HDAC9: variants seen among roughly 807,000 people sequenced by gnomAD.
HDAC9 encodes MEF-2 interacting transcription repressor (MITR) protein.
A neutral mutation model predicts 139.4 loss-of-function variants in HDAC9; 41 were observed. The ratio of observed to expected loss-of-function variants is 0.29; its 90% CI spans 0.23 to 0.38. The LOEUF is 0.38. Among genes scored for constraint, HDAC9 ranks in the 10% least tolerant of loss-of-function variants. The pLI is 1.00. For synonymous variants in HDAC9, 517 were observed against 476.2 expected, an observed-to-expected ratio of 1.09 and a Z score of -1.12; for missense variants, 1,147 against 1,297.0, an observed-to-expected ratio of 0.88 and a Z score of 1.78.
intron 6 of HDAC9, among the ~76,000 whole-genome samples, chr7:18,610,583 C>G (rs1836853260): frequency 6.6e-6 from 1 of 152,168 alleles, no homozygotes; most frequent in African/African-American, 2.4e-5. Flanking sequence ...ATAACCTGGA[C>G]TAAGAGCAAA....
Position 18,999,851 on chromosome 7 carries a change from A to T in HDAC9, c.*3789A>T, listed in dbSNP as rs1343590596. 1 of 152,190 alleles carries T rather than the reference A, an allele frequency of 6.6e-6. No individual in the cohort carries two copies. The highest frequency in any genetic ancestry group is 2.1e-4 in the South Asian group (1 of 4,830). 9.4% of individuals were successfully genotyped at this position (152,190 alleles called of 1,614,324 possible). A position where few individuals can be genotyped will look rare whatever the true frequency, so the allele number is the denominator to read the frequency against. ...TCTTATCTCAATGAAAGAAGTATTA[A>T]AAGTCTTATGGCCCCAAAAGAAACA... On this transcript the variant is annotated 3_prime_UTR_variant, in exon 26 of 26. Transcript: ENST00000686413.
intron 2 of HDAC9, among the ~76,000 whole-genome samples, chr7:18,188,160 A>G (rs1239087366): frequency 6.6e-6 from 1 of 152,164 alleles, no homozygotes; most frequent in Non-Finnish European, 1.5e-5. Context: ...CATATAGACC[A>G]ATGGAGCAGA....
chr7:18,299,844 G>T (rs982118478), intron 1 of HDAC9, among the ~76,000 whole-genome samples: 8 of 152,180 alleles, frequency 5.3e-5, no homozygotes, highest in African/African-American at 1.9e-4. Flanking sequence ...CTTCATCTTA[G>T]CAAGCAAGCA....
At chr7:18,235,984 T>G (rs1354253515) in intron 2 of HDAC9, among the ~76,000 whole-genome samples, 1 of 152,224 alleles carries the variant, frequency 6.6e-6, no homozygotes, top group Non-Finnish European at 1.5e-5. Flanking sequence ...TGCACATTTC[T>G]TTGCATTATA....
At chr7:18,484,993 T>G (rs1254748747) in intron 1 of HDAC9, among the ~76,000 whole-genome samples, 6 of 152,098 alleles carry the variant, frequency 3.9e-5, no homozygotes, top group Non-Finnish European at 8.8e-5. Flanking sequence ...ATAGCCAAAA[T>G]AAGACAACAG....
intron 25 of HDAC9, among the ~76,000 whole-genome samples, chr7:18,988,425 A>G (rs1476008543): frequency 6.6e-6 from 1 of 151,488 alleles, no homozygotes; most frequent in Non-Finnish European, 1.5e-5. Flanking sequence ...GTGGTCTGAG[A>G]GATAGTTTGT....
intron 22 of HDAC9, among the ~76,000 whole-genome samples, chr7:18,877,249 T>A (rs1241735343): frequency 3.3e-5 from 5 of 152,124 alleles, no homozygotes; most frequent in African/African-American, 9.7e-5. Flanking sequence ...CAATAGTTGT[T>A]CCCTAAAACA....
intron 2 of HDAC9, among the ~76,000 whole-genome samples, chr7:18,510,369 C>CT (rs1297008580): frequency 6.6e-6 from 1 of 152,062 alleles, no homozygotes; most frequent in Non-Finnish European, 1.5e-5. Context: ...TAAATGCATA[C>CT]TTTTTTTAAT....
intron 1 of HDAC9, among the ~76,000 whole-genome samples, chr7:18,413,911 G>C (rs1788807285): frequency 6.6e-6 from 1 of 152,012 alleles, no homozygotes; most frequent in Non-Finnish European, 1.5e-5. Flanking sequence ...TTTAATATTT[G>C]GGACTTTTCC....
chr7:18,675,647 C>T (rs1781455453), intron 12 of HDAC9, among the ~76,000 whole-genome samples: 1 of 151,934 alleles, frequency 6.6e-6, no homozygotes, highest in South Asian at 2.1e-4. Context: ...AATTATAGTA[C>T]AGTACTTCCC....
At chr7:18,504,699 A>G (rs1479149213) in intron 2 of HDAC9, among the ~76,000 whole-genome samples, 1 of 152,216 alleles carries the variant, frequency 6.6e-6, no homozygotes, top group African/African-American at 2.4e-5. Context: ...TAATGTTTCA[A>G]AAGTTTCTCT....
rs1785260074 is a variant in HDAC9, at chr7:18,985,374, C to T, written c.3170+9421C>T. ...TGAGAATGATGTTTTCCAATTTCAT[C>T]CATGTCCATACAAAGGACATGAACT... On this transcript the variant is annotated intron_variant, in intron 25 of 25. Transcript: ENST00000686413. Among the ~76,000 whole-genome samples the T allele has an allele frequency of 2.0e-5, 3 of 152,168 alleles. No homozygotes were observed. The South Asian group carries it at 6.2e-4, about 32-fold the overall frequency.
intron 25 of HDAC9, among the ~76,000 whole-genome samples, chr7:18,982,645 T>C (rs1785033971): frequency 6.6e-6 from 1 of 152,134 alleles, no homozygotes; most frequent in South Asian, 2.1e-4. Context: ...TCGGTGCCAC[T>C]CCCTCCAGAG....
intron 6 of HDAC9, among the ~76,000 whole-genome samples, chr7:18,605,979 T>C (rs909686148): frequency 4.6e-5 from 7 of 151,970 alleles, no homozygotes; most frequent in African/African-American, 1.7e-4. Context: ...CATGCCTGGC[T>C]GCCCCTGGAG....
rs112418885 is a variant in HDAC9 at position 18,475,998 on chromosome 7, GA to G, written c.-41-20261del. On this transcript the variant is annotated intron_variant, in intron 1 of 3. Transcript: ENST00000413509. Reference sequence around the variant, plus strand: ...GTAGCCCAGTTTAGATATGTCTCTTGAAACCCAACTATGTGTTTATAAGGCA... The same window carrying G: ...GTAGCCCAGTTTAGATATGTCTCTTGAACCCAACTATGTGTTTATAAGGCA... 8.0e-3 allele frequency among the ~76,000 whole-genome samples: 1,223 copies of G among 152,234 alleles called. 17 individuals carry two copies. Among genetic ancestry groups the G allele is most frequent in the African/African-American group, 0.028 (1,161 of 41,528 alleles).
At chr7:18,829,104 C>G (rs994920085) in intron 17 of HDAC9, 57 bp from the exon 18 acceptor site, 1 of 1,213,404 alleles carries the variant, frequency 8.2e-7, no homozygotes, top group Non-Finnish European at 1.2e-6. Flanking sequence ...TCCAAGCAAT[C>G]CCTCTCCTAC....
At chr7:18,127,400 CCTT>C (rs1784736657) in intron 1 of HDAC9, 1 of 169,892 alleles carries the variant, frequency 5.9e-6, no homozygotes, top group African/African-American at 2.4e-5. Context: ...CCTTCTCTCT[CCTT>C]CTCTAGGCAT....
intron 21 of HDAC9, among the ~76,000 whole-genome samples, chr7:18,872,762 C>T (rs1347996884): frequency 6.6e-6 from 1 of 151,952 alleles, no homozygotes; most frequent in Non-Finnish European, 1.5e-5. Context: ...AGAGAGAAGC[C>T]TTTATGGAGA....
intron 16 of HDAC9, among the ~76,000 whole-genome samples, chr7:18,778,145 C>A (rs1790936631): frequency 6.6e-6 from 1 of 151,890 alleles, no homozygotes; most frequent in African/African-American, 2.4e-5. Context: ...ATTTCAACCT[C>A]ATATGATTGT....
Sources: allele counts gnomAD v4.1 joint callset (sites outside exome capture counted in the v4.1 genomes callset), GRCh38; gene constraint gnomAD v4.1.1; transcripts MANE v1.5; gene names NCBI Gene and HGNC (gene_info 2026-07-23, HGNC 2026-07-21).